MGAT4B: variants seen among roughly 807,000 people sequenced by gnomAD.
The protein encoded by MGAT4B is N-acetylglucosaminyltransferase IVb.
A neutral mutation model predicts 73.9 loss-of-function variants in MGAT4B; 38 were observed. The observed-to-expected ratio is 0.51, with a 90% CI of 0.40 to 0.67. The LOEUF (loss-of-function observed/expected upper bound fraction) is 0.67. Ranked by LOEUF, MGAT4B falls within the 30% of genes least tolerant of loss-of-function variation. The probability of loss-of-function intolerance (pLI) is 0.00; values close to 1 mark genes in which losing one functional copy is unlikely to be tolerated. For missense variants in MGAT4B, 686 were observed against 735.2 expected (o/e 0.93, Z 0.77); for synonymous variants, 373 against 313.5 (o/e 1.19, Z -2.01).
At position 179,806,606 on chromosome 5, in the gene MGAT4B, C is replaced by G. The variant is rs1757171862; in HGVS notation, c.-23G>C. 1.6e-6 allele frequency: 2 copies of G among 1,212,778 alleles called. No homozygotes were observed. The highest frequency in any genetic ancestry group is 3.5e-5 in the South Asian group (2 of 56,624). 75.1% of individuals were successfully genotyped at this position (1,212,778 alleles called of 1,614,324 possible). On this transcript the variant is annotated 5_prime_UTR_variant, in exon 1 of 15. Coordinates refer to ENST00000292591, the MANE Select transcript of MGAT4B (RefSeq NM_014275.5). The surrounding 1 kb of genome is among the most constrained non-coding windows in gnomAD (Gnocchi z 4.6). ...CATCTCCTCGGGTGCGCGGCGGGCG[C>G]CCGCGGGGCCGAGGCTGCATGGCCC...
chr5:179,804,191 C>A (rs1404093587), intron 1 of MGAT4B, among the ~76,000 whole-genome samples: 7 of 152,254 alleles, frequency 4.6e-5, no homozygotes, highest in African/African-American at 1.7e-4. Flanking sequence ...AAGAGCCAAG[C>A]TGGGGCACAA....
rs1756903289 is a variant in MGAT4B, at chr5:179,801,099, G to C, written c.559-146C>G. ...TGAGGGCGGAGTAAGGGGGCCCCCA[G>C]AGACGGCCCTTTCCCTTTGGGACTC... On this transcript the variant is annotated intron_variant, in intron 4 of 14. Coordinates refer to ENST00000292591, the MANE Select transcript of MGAT4B (RefSeq NM_014275.5). The surrounding 1 kb of genome is among the most constrained non-coding windows in gnomAD (Gnocchi z 4.8). The C allele has an allele frequency of 1.7e-6, 2 of 1,193,726 alleles. No homozygotes were observed. The highest frequency in any genetic ancestry group is 3.0e-5 in the African/African-American group (2 of 65,578). The allele number at this position is 1,193,726 out of a possible 1,614,324, so 73.9% of individuals were successfully genotyped here. A position where few individuals can be genotyped will look rare whatever the true frequency, so the allele number is the denominator to read the frequency against.
chr5:179,801,241 G>A lies in MGAT4B; in HGVS notation c.558+93C>T, dbSNP rs758840770. The A allele has an allele frequency of 9.6e-5, 141 of 1,462,730 alleles. No homozygotes were observed. Among genetic ancestry groups the A allele is most frequent in the East Asian group, 1.4e-4 (6 of 41,390 alleles). 90.6% of individuals were successfully genotyped at this position (1,462,730 alleles called of 1,614,324 possible). A position where few individuals can be genotyped will look rare whatever the true frequency, so the allele number is the denominator to read the frequency against. On this transcript the variant is annotated intron_variant, in intron 4 of 14. Transcript: ENST00000292591. This position sits in a 1 kb window ranked among gnomAD's most constrained non-coding sequence, Gnocchi z 4.8. ...GAATGAAACTAGCAACTGAACTTCC[G>A]ACAGCTTTCTCCTCGGAATGGTTCC... is the stretch of plus-strand genomic sequence containing the variant.
rs1345105694 is a variant in MGAT4B at position 179,806,353 on chromosome 5, C to A, written c.97+134G>T. 4 of 297,374 alleles carry A rather than the reference C, an allele frequency of 1.3e-5. No individual in the cohort carries two copies. The highest frequency in any genetic ancestry group is 4.6e-5 in the African/African-American group (2 of 43,732). The allele number at this position is 297,374 out of a possible 1,614,324, so 18.4% of individuals were successfully genotyped here. A position where few individuals can be genotyped will look rare whatever the true frequency, so the allele number is the denominator to read the frequency against. The stretch of plus-strand genomic sequence containing the variant: ...AACAAGTGGGGGAGGGTGGGAGGGG[C>A]GTCCTCGCGCCGCCCGGGCGGGGAA... On this transcript the variant is annotated intron_variant, in intron 1 of 14. Transcript: ENST00000292591. This position sits in a 1 kb window ranked among gnomAD's most constrained non-coding sequence, Gnocchi z 4.6.
Position 179,801,289 on chromosome 5 carries a change from G to GCTGCA in MGAT4B, c.558+44_558+45insTGCAG. 1 of 1,576,730 alleles carries GCTGCA rather than the reference G, an allele frequency of 6.3e-7. No homozygotes were observed. Among genetic ancestry groups the GCTGCA allele is most frequent in the Non-Finnish European group, 8.6e-7 (1 of 1,157,548 alleles). ...TCCTGCTGTCAGTTCTGCACCGCGG[G>GCTGCA]GGCTCCTCTGAATGTCCCCCAACCC... is the stretch of plus-strand genomic sequence containing the variant. On this transcript the variant is annotated intron_variant, in intron 4 of 14. Coordinates refer to ENST00000292591, the MANE Select transcript of MGAT4B (RefSeq NM_014275.5). The surrounding 1 kb of genome is among the most constrained non-coding windows in gnomAD (Gnocchi z 4.8).
chr5:179,798,453 G>T lies in MGAT4B; in HGVS notation c.1423-19C>A, dbSNP rs757316494. On this transcript the variant is annotated intron_variant, in intron 12 of 14. Coordinates refer to ENST00000292591, the MANE Select transcript of MGAT4B (RefSeq NM_014275.5). Reference sequence around the variant, plus strand: ...GAGGGTTCTGGGGGCAGAATCAAGGGCTGAGGCAGGTGGTCACAGGAGGCC... The same window carrying T: ...GAGGGTTCTGGGGGCAGAATCAAGGTCTGAGGCAGGTGGTCACAGGAGGCC... 6.2e-7 allele frequency: 1 copy of T among 1,612,924 alleles called. No individual in the cohort carries two copies. Among genetic ancestry groups the T allele is most frequent in the East Asian group, 2.2e-5 (1 of 44,870 alleles).
At chr5:179,800,644 G>T in intron 5 of MGAT4B, 47 bp from the exon 6 acceptor site, 1 of 1,369,868 alleles carries the variant, frequency 7.3e-7, no homozygotes, top group Non-Finnish European at 1.0e-6. Flanking sequence ...CAGGGGCTGA[G>T]AGGGGCCGAG....
Position 179,801,760 on chromosome 5 carries a change from TC to T in MGAT4B, c.283+23del, listed in dbSNP as rs771653474. The stretch of plus-strand genomic sequence containing the variant: ...CTACAACCAGCCCGCCCCCGCCTTT[TC>T]CCCCTCCCGCCCCAGACCTCACCTG... On this transcript the variant is annotated intron_variant, in intron 2 of 14. Coordinates refer to ENST00000292591, the MANE Select transcript of MGAT4B (RefSeq NM_014275.5). The surrounding 1 kb of genome is among the most constrained non-coding windows in gnomAD (Gnocchi z 4.8). The T allele has an allele frequency of 8.3e-6, 13 of 1,564,390 alleles. No homozygotes were observed. The highest frequency in any genetic ancestry group is 1.0e-5 in the Non-Finnish European group (12 of 1,151,826).
chr5:179,805,272 G>A (rs1757094741), intron 1 of MGAT4B: 1 of 152,300 alleles, frequency 6.6e-6, no homozygotes, highest in Admixed American at 6.5e-5. Flanking sequence ...TTCAGATATG[G>A]CCCCACCTAG....
chr5:179,798,016 G>C lies in MGAT4B; in HGVS notation c.*29C>G. The C allele has an allele frequency of 1.2e-6, 2 of 1,600,458 alleles. No homozygotes were observed. The highest frequency in any genetic ancestry group is 2.2e-5 in the South Asian group (2 of 88,992). On this transcript the variant is annotated 3_prime_UTR_variant, in exon 15 of 15. Coordinates refer to ENST00000292591, the MANE Select transcript of MGAT4B (RefSeq NM_014275.5). ...CCCAGAAATGTGGGCTTCAGGGCTG[G>C]CCACAGGGTACCCTCAGAAGCCCGC...
chr5:179,801,994 CGAG>C lies in MGAT4B; in HGVS notation c.98-28_98-26del. 1 of 1,613,456 alleles carries C rather than the reference CGAG, an allele frequency of 6.2e-7. No homozygotes were observed. Among genetic ancestry groups the C allele is most frequent in the East Asian group, 2.2e-5 (1 of 44,872 alleles). ...CCTGCAGGTGGTAGGCAAGCCGTCA[CGAG>C]GGGGCGGTCTAGAGCCACCCTACGG... On this transcript the variant is annotated intron_variant, in intron 1 of 14. Coordinates refer to ENST00000292591, the MANE Select transcript of MGAT4B (RefSeq NM_014275.5). The surrounding 1 kb of genome is among the most constrained non-coding windows in gnomAD (Gnocchi z 4.8).
intron 6 of MGAT4B, 26 bp from the exon 7 acceptor site, chr5:179,800,285 A>C (rs1756855309): frequency 6.2e-7 from 1 of 1,611,662 alleles, no homozygotes; most frequent in African/African-American, 1.3e-5. Flanking sequence ...GGGCCTCAGA[A>C]GTTCAGACCC....
Position 179,799,503 on chromosome 5 carries a change from C to T in MGAT4B, c.1041+3G>A, listed in dbSNP as rs1348241630. 6.2e-7 allele frequency: 1 copy of T among 1,613,802 alleles called. No homozygotes were observed. Among genetic ancestry groups the T allele is most frequent in the Non-Finnish European group, 8.5e-7 (1 of 1,179,966 alleles). Reference sequence around the variant, plus strand: ...CCTGCCAGTCCCGCCAGCTCTTGCTCACCGCATCCTTCTCGGGGTTGCAGA... The same window carrying T: ...CCTGCCAGTCCCGCCAGCTCTTGCTTACCGCATCCTTCTCGGGGTTGCAGA... On this transcript the variant is annotated splice_donor_region_variant and intron_variant, in intron 9 of 14. Coordinates refer to ENST00000292591, the MANE Select transcript of MGAT4B (RefSeq NM_014275.5).
intron 8 of MGAT4B, 150 bp from the exon 9 acceptor site, chr5:179,799,786 A>G: frequency 7.6e-7 from 1 of 1,307,232 alleles, no homozygotes; most frequent in Non-Finnish European, 1.1e-6. Context: ...ATGAGGGCAG[A>G]CATGTCTGAT....
intron 1 of MGAT4B, chr5:179,802,245 G>A (rs1472684533): frequency 4.9e-6 from 7 of 1,426,974 alleles, no homozygotes; most frequent in Non-Finnish European, 3.7e-6. Context: ...GTGGAAATAC[G>A]ATTTCCAGAC....
At position 179,806,604 on chromosome 5, in the gene MGAT4B, C is replaced by A. The variant is rs1264541949; in HGVS notation, c.-21G>T. 4.1e-6 allele frequency: 5 copies of A among 1,219,682 alleles called. No homozygotes were observed. The highest frequency in any genetic ancestry group is 2.3e-4 in the Middle Eastern group (1 of 4,274). The allele number at this position is 1,219,682 out of a possible 1,614,324, so 75.6% of individuals were successfully genotyped here. A position where few individuals can be genotyped will look rare whatever the true frequency, so the allele number is the denominator to read the frequency against. ...CTCATCTCCTCGGGTGCGCGGCGGG[C>A]GCCCGCGGGGCCGAGGCTGCATGGC... On this transcript the variant is annotated 5_prime_UTR_variant, in exon 1 of 15. Coordinates refer to ENST00000292591, the MANE Select transcript of MGAT4B (RefSeq NM_014275.5). The surrounding 1 kb of genome is among the most constrained non-coding windows in gnomAD (Gnocchi z 4.6).
intron 7 of MGAT4B, 37 bp from the exon 8 acceptor site, chr5:179,800,105 G>A (rs759032975): frequency 9.9e-6 from 16 of 1,610,828 alleles, no homozygotes; most frequent in Non-Finnish European, 1.4e-5. Context: ...GGCTGAGGAA[G>A]GGCACCCAGA....
chr5:179,798,071 G>A lies in MGAT4B; in HGVS notation c.1624-3C>T, dbSNP rs1328340667. Reference sequence around the variant, plus strand: ...TAGTCGGCCTTTTTCAGGAAGATCTGGAAGAGCCGGACCCAGGGTCAGCAG... The same window carrying A: ...TAGTCGGCCTTTTTCAGGAAGATCTAGAAGAGCCGGACCCAGGGTCAGCAG... On this transcript the variant is annotated splice_polypyrimidine_tract_variant and splice_region_variant and intron_variant, in intron 14 of 14. Transcript: ENST00000292591. The A allele has an allele frequency of 6.2e-7, 1 of 1,609,110 alleles. No homozygotes were observed. The highest frequency in any genetic ancestry group is 1.7e-5 in the Admixed American group (1 of 59,556).
rs1486139526 is a variant in MGAT4B, at chr5:179,800,540, G to A, written c.663C>T (p.Phe221=). 18 of 1,612,146 alleles carry A rather than the reference G, an allele frequency of 1.1e-5. 1 individual carries two copies. The highest frequency in any genetic ancestry group is 1.5e-5 in the Non-Finnish European group (18 of 1,179,724). The change falls in exon 6 of 15, where the codon TTC becomes TTT. Residue 221 remains phenylalanine (F), a synonymous_variant. Transcript: ENST00000292591. ...CTCGGAGGCGGGAGAAGTCAGGGTA[G>A]AAGTGGGGGGAGGGTGAGATGACCT... ...LLEVISPSPH[F]YPDFSRLRES...
Sources: gnomAD v4.1 joint callset for allele counts (sites outside exome capture counted in the v4.1 genomes callset) on GRCh38, gnomAD v4.1.1 for gene constraint, Gnocchi (gnomAD v3.1) non-coding constraint, MANE v1.5 for transcripts, NCBI Gene and HGNC (gene_info 2026-07-23, HGNC 2026-07-21) for gene names.